Variants in ACSL4 observed in about 807,000 individuals in gnomAD.
The protein encoded by ACSL4 is long-chain-fatty-acid--CoA ligase 4.
In ACSL4, 9 loss-of-function variants were observed where a neutral mutation model predicts 49.1. The observed-to-expected ratio is 0.18, with a 90% CI of 0.11 to 0.32. ACSL4 has a LOEUF of 0.32. Among genes scored for constraint, ACSL4 ranks in the 10% least tolerant of loss-of-function variants. The pLI, the probability that ACSL4 is intolerant of heterozygous loss-of-function variation, is 1.00. For missense variants in ACSL4, 333 were observed against 493.7 expected (o/e 0.67, Z 3.08); for synonymous variants, 191 against 170.3 (o/e 1.12, Z -0.95).
intron 1 of ACSL4, among the ~76,000 whole-genome samples, chrX:109,705,577 T>C (rs919729327): frequency 8.9e-6 from 1 of 112,567 alleles, no homozygotes; most frequent in Non-Finnish European, 1.9e-5. Flanking sequence ...TTTTGGGAAA[T>C]TGTTGCTATT....
At position 109,728,098 on chromosome X, in the gene ACSL4, A is replaced by G. The variant is rs140252706; in HGVS notation, c.-66+5041T>C. 8.2e-3 allele frequency among the ~76,000 whole-genome samples: 928 copies of G among 112,731 alleles called. 7 individuals are homozygous for G. Among genetic ancestry groups the G allele is most frequent in the African/African-American group, 0.027 (842 of 31,029 alleles). The stretch of plus-strand genomic sequence containing the variant: ...CAAAATTAATCACTAACCTTTTCCT[A>G]TAATTCCTTCTCATATGAGCACATA... On this transcript the variant is annotated intron_variant, in intron 1 of 15. Transcript: ENST00000672401.
rs769723219 is a variant in ACSL4 at position 109,678,368 on chromosome X, T to A, written c.703A>T (p.Met235Leu). The A allele has an allele frequency of 4.1e-6, 5 of 1,211,891 alleles. No homozygotes were observed. The South Asian group carries it at 8.8e-5, about 21-fold the overall frequency. ...CGGCCAGTAGAACCACTAGTATACA[T>A]AACAATGGCCATGTCTGAAGGCGTT... ...RPTPSDMAIV[M>L]YTSGSTGRPK... The change falls in exon 7 of 16, where the codon ATG (methionine) becomes TTG (leucine). Residue 235 changes from methionine to leucine, a missense_variant. Met to Leu is a conservative substitution (Grantham distance 15). Transcript: ENST00000672401.
chrX:109,708,137 G>T (rs1413301860), intron 1 of ACSL4, among the ~76,000 whole-genome samples: 3 of 111,602 alleles, frequency 2.7e-5, no homozygotes, highest in African/African-American at 9.8e-5. Flanking sequence ...GTAGAGACAG[G>T]GTTTCACCAC....
intron 1 of ACSL4, among the ~76,000 whole-genome samples, chrX:109,707,146 G>A (rs1002986355): frequency 9.8e-5 from 11 of 111,845 alleles, no homozygotes; most frequent in Admixed American, 4.7e-4. Context: ...AATATGGTCC[G>A]TTTAGACAAT....
At chrX:109,678,484 A>G in intron 6 of ACSL4, 69 bp from the exon 7 acceptor site, 7 of 1,138,337 alleles carry the variant, frequency 6.1e-6, no homozygotes, top group Non-Finnish European at 8.4e-6. Flanking sequence ...GAATAATAGG[A>G]TATTTAGATT....
Position 109,644,002 on chromosome X carries a change from C to A in ACSL4, c.*27G>T, listed in dbSNP as rs150760891. On this transcript the variant is annotated 3_prime_UTR_variant, in exon 16 of 16. Transcript: ENST00000672401. ...TTGAAAACCACCAGGCTACCTCCTGCACAACTGTCAATAAGACAACAACAT... is the reference window on the plus strand; with the variant it reads ...TTGAAAACCACCAGGCTACCTCCTGAACAACTGTCAATAAGACAACAACAT... 1 of 1,207,653 alleles carries A rather than the reference C, an allele frequency of 8.3e-7. No homozygotes were observed. The highest frequency in any genetic ancestry group is 1.1e-6 in the Non-Finnish European group (1 of 893,139).
Position 109,663,331 on chromosome X carries a change from C to G in ACSL4, c.1462G>C (p.Gly488Arg). Reference protein sequence around the residue: ...IVIGGQNISMGYFKNEEKTAE... With the variant: ...IVIGGQNISMRYFKNEEKTAE... ...GTTTTCTCTTCATTTTTAAAATATC[C>G]CATGGAGATGTTCTGTCCACCAATT... The change falls in exon 13 of 16, where the codon GGA becomes CGA. Residue 488 changes from glycine to arginine, a missense_variant. By Grantham distance (125) the Gly-to-Arg change is moderately radical. Around this residue, in one of 3 missense-constraint regions of ACSL4, gnomAD observed 175 missense variants for 275.8 expected, o/e 0.63. Transcript: ENST00000672401. 2.5e-6 allele frequency: 3 copies of G among 1,209,357 alleles called. No homozygotes were observed. The highest frequency in any genetic ancestry group is 3.4e-6 in the Non-Finnish European group (3 of 893,574).
intron 8 of ACSL4, among the ~76,000 whole-genome samples, chrX:109,676,260 A>G (rs1255960342): frequency 9.0e-6 from 1 of 111,585 alleles, no homozygotes; most frequent in Non-Finnish European, 1.9e-5. Context: ...TCAAAAAAAA[A>G]AAAAACACAA....
At chrX:109,668,310 A>C (rs769631272) in intron 10 of ACSL4, 37 bp from the exon 11 acceptor site, 10 of 1,099,550 alleles carry the variant, frequency 9.1e-6, no homozygotes, top group Non-Finnish European at 1.2e-5. Flanking sequence ...TAATGTACGC[A>C]TACATTATTC....
At chrX:109,645,902 A>G (rs1279810968) in intron 15 of ACSL4, among the ~76,000 whole-genome samples, 1 of 112,460 alleles carries the variant, frequency 8.9e-6, no homozygotes, top group African/African-American at 3.2e-5. Flanking sequence ...CGATGCGATC[A>G]ACTGGATGAA....
intron 3 of ACSL4, 90 bp from the exon 4 acceptor site, chrX:109,682,986 A>C: frequency 9.4e-7 from 1 of 1,066,453 alleles, no homozygotes. Context: ...AATGCTCTTA[A>C]ATGAACATAC....
intron 1 of ACSL4, among the ~76,000 whole-genome samples, chrX:109,710,650 A>T (rs1926684942): frequency 8.9e-6 from 1 of 112,441 alleles, no homozygotes; most frequent in South Asian, 3.6e-4. Context: ...TGTGACTTTA[A>T]AAAAGTATAG....
At chrX:109,699,588 T>C (rs774582441) in intron 1 of ACSL4, among the ~76,000 whole-genome samples, 3 of 111,922 alleles carry the variant, frequency 2.7e-5, no homozygotes, top group East Asian at 2.8e-4. Flanking sequence ...AAACAGTATG[T>C]ATGACTGCAT....
chrX:109,649,240 A>G lies in ACSL4; in HGVS notation c.1856-5054T>C, dbSNP rs1433764006. 2.7e-5 allele frequency among the ~76,000 whole-genome samples: 3 copies of G among 111,798 alleles called. No individual in the cohort carries two copies. The East Asian group carries it at 8.3e-4, about 31-fold the overall frequency. On this transcript the variant is annotated intron_variant, in intron 15 of 15. Transcript: ENST00000672401. ...CAAGTCAATCCTAAGCCAAAAGAAC[A>G]AAGCTGGGGGCATCACGCTACCTGA...
At chrX:109,710,066 T>C (rs1343802878) in intron 1 of ACSL4, among the ~76,000 whole-genome samples, 2 of 111,661 alleles carry the variant, frequency 1.8e-5, no homozygotes, top group Non-Finnish European at 3.8e-5. Flanking sequence ...GATCACGCCA[T>C]TGCACTCCAG....
At position 109,648,780 on chromosome X, in the gene ACSL4, T is replaced by C. The variant is rs781080821; in HGVS notation, c.1856-4594A>G. On this transcript the variant is annotated intron_variant, in intron 15 of 15. Transcript: ENST00000672401. Reference sequence around the variant, plus strand: ...TGATTGTATATCTAGAAAACCCCATTGTCTCAGCCCAAAATCTCCTTAAGC... The same window carrying C: ...TGATTGTATATCTAGAAAACCCCATCGTCTCAGCCCAAAATCTCCTTAAGC... 9.2e-3 allele frequency among the ~76,000 whole-genome samples: 927 copies of C among 100,409 alleles called. 6 individuals are homozygous for C. Among genetic ancestry groups the C allele is most frequent in the Non-Finnish European group, 0.016 (783 of 49,380 alleles). 87.2% of individuals were successfully genotyped at this position (100,409 alleles called of 115,157 possible). A position where few individuals can be genotyped will look rare whatever the true frequency, so the allele number is the denominator to read the frequency against.
intron 15 of ACSL4, among the ~76,000 whole-genome samples, chrX:109,655,805 G>A (rs1921596012): frequency 9.0e-6 from 1 of 111,526 alleles, no homozygotes; most frequent in African/African-American, 3.3e-5. Context: ...AAAGGAATGG[G>A]AATCAGGATG....
intron 15 of ACSL4, among the ~76,000 whole-genome samples, chrX:109,650,134 C>A (rs1934952573): frequency 1.8e-5 from 2 of 111,468 alleles, no homozygotes; most frequent in Non-Finnish European, 3.8e-5. Flanking sequence ...CCTCAGGGAT[C>A]TAGAACTAGA....
chrX:109,728,823 T>C (rs1299688251), intron 1 of ACSL4, among the ~76,000 whole-genome samples: 1 of 111,984 alleles, frequency 8.9e-6, no homozygotes, highest in Non-Finnish European at 1.9e-5. Flanking sequence ...TTAAAGCCTT[T>C]TGCTCTGTGA....
Sources: allele counts gnomAD v4.1 joint callset (sites outside exome capture counted in the v4.1 genomes callset), GRCh38; gene constraint gnomAD v4.1.1; regional missense constraint gnomAD v4.1.1; transcripts MANE v1.5; gene names NCBI Gene and HGNC (gene_info 2026-07-23, HGNC 2026-07-21).